The following BCL2L11 variants were observed in gnomAD, a reference collection of about 807,000 sequenced individuals.
BCL2L11 encodes the protein bcl-2-like protein 11.
BCL2L11 carries 15 observed loss-of-function variants against 20.6 expected under a neutral mutation model. That is an observed-to-expected ratio of 0.73 (90% CI 0.49 to 1.12). The LOEUF is 1.12. BCL2L11 is among the 50% of genes most tolerant of loss of function. BCL2L11 has a pLI of 0.00. For synonymous variants in BCL2L11, 108 were observed against 92.8 expected (o/e 1.16, Z -0.94); for missense variants, 292 against 260.9 (o/e 1.12, Z -0.82).
At chr2:111,139,661 A>G (rs2075489353) in intron 2 of BCL2L11, among the ~76,000 whole-genome samples, 1 of 152,206 alleles carries the variant, frequency 6.6e-6, no homozygotes, top group Non-Finnish European at 1.5e-5. Flanking sequence ...TTTTTCACAC[A>G]CTATGAGGTA....
chr2:111,147,003 A>G (rs1300405768), intron 2 of BCL2L11, among the ~76,000 whole-genome samples: 4 of 152,236 alleles, frequency 2.6e-5, no homozygotes, highest in Admixed American at 1.3e-4. Context: ...AAATAGTGAT[A>G]GGTGCTAGTT....
rs781163771 is a variant in BCL2L11 at position 111,153,601 on chromosome 2, AATT to A, written c.498+3457_498+3459del. 2.6e-5 allele frequency among the ~76,000 whole-genome samples: 4 copies of A among 152,322 alleles called. No individual in the cohort carries two copies. The East Asian group carries it at 7.7e-4, about 29-fold the overall frequency. On this transcript the variant is annotated intron_variant, in intron 3 of 3. Transcript: ENST00000393256. The stretch of plus-strand genomic sequence containing the variant: ...AAATTACCTGCTGTCTTCACAAGGG[AATT>A]ATCCTCTCTTGGCAAGCGAGTGTAT...
intron 2 of BCL2L11, among the ~76,000 whole-genome samples, chr2:111,146,993 A>G (rs897386410): frequency 1.3e-5 from 2 of 152,226 alleles, no homozygotes; most frequent in African/African-American, 2.4e-5. Flanking sequence ...GTTTTTAAAA[A>G]AATAGTGATA....
At chr2:111,142,226 C>T in intron 2 of BCL2L11, 2 of 1,132,806 alleles carry the variant, frequency 1.8e-6, no homozygotes, top group Admixed American at 4.0e-5. Flanking sequence ...ACTCTACCTC[C>T]TGTTCTTTTC....
In BCL2L11 at chr2:111,121,004, GCC is replaced by G. The variant is rs2070777691; in HGVS notation, c.-197_-196del. ...TGCCGCCGCCGCCGCCGCCGCCGCCGCCGCCGCCGCCGCCGCCACTACCACCA... is the reference window on the plus strand; with the variant it reads ...TGCCGCCGCCGCCGCCGCCGCCGCCGGCCGCCGCCGCCGCCACTACCACCA... On this transcript the variant is annotated 5_prime_UTR_variant, in exon 1 of 4. Coordinates refer to ENST00000393256, the MANE Select transcript of BCL2L11 (RefSeq NM_138621.5). The G allele has an allele frequency of 2.5e-6, 1 of 400,246 alleles. No homozygotes were observed. The highest frequency in any genetic ancestry group is 4.4e-6 in the Non-Finnish European group (1 of 226,838). The allele number at this position is 400,246 out of a possible 1,614,324, so 24.8% of individuals were successfully genotyped here.
chr2:111,140,115 A>G (rs2075569303), intron 2 of BCL2L11, among the ~76,000 whole-genome samples: 1 of 152,302 alleles, frequency 6.6e-6, no homozygotes, highest in South Asian at 2.1e-4. Context: ...GGATTTGGAC[A>G]TGAGTCTGGG....
intron 2 of BCL2L11, among the ~76,000 whole-genome samples, chr2:111,138,190 G>C (rs1031856854): frequency 6.6e-5 from 10 of 151,890 alleles, no homozygotes; most frequent in African/African-American, 2.4e-4. Context: ...TGTATTTTTA[G>C]TAGAGACAGG....
At chr2:111,145,296 C>T (rs753609887) in intron 2 of BCL2L11, among the ~76,000 whole-genome samples, 1 of 152,132 alleles carries the variant, frequency 6.6e-6, no homozygotes, top group Non-Finnish European at 1.5e-5. Context: ...ACCCAGTACA[C>T]ACACCTGAGT....
rs1575242676 is a variant in BCL2L11 at position 111,164,868 on chromosome 2, T to C, written c.*637T>C. The C allele has an allele frequency of 6.6e-6, 1 of 152,616 alleles. No homozygotes were observed. Among genetic ancestry groups the C allele is most frequent in the Non-Finnish European group, 1.5e-5 (1 of 68,058 alleles). The allele number at this position is 152,616 out of a possible 1,614,324, so 9.5% of individuals were successfully genotyped here. Reference sequence around the variant, plus strand: ...GCAGAGGGTCTGTTGCCAGCCTGCATTGATATACCAGTCCCATTTGTAAAT... The same window carrying C: ...GCAGAGGGTCTGTTGCCAGCCTGCACTGATATACCAGTCCCATTTGTAAAT... On this transcript the variant is annotated 3_prime_UTR_variant, in exon 4 of 4. Transcript: ENST00000393256.
In BCL2L11 at chr2:111,167,331, T is replaced by A. The variant is rs1466974132; in HGVS notation, c.*3100T>A. 2.6e-5 allele frequency: 4 copies of A among 152,220 alleles called. No individual in the cohort carries two copies. Among genetic ancestry groups the A allele is most frequent in the African/African-American group, 9.7e-5 (4 of 41,438 alleles). 9.4% of individuals were successfully genotyped at this position (152,220 alleles called of 1,614,324 possible). On this transcript the variant is annotated 3_prime_UTR_variant, in exon 4 of 4. Coordinates refer to ENST00000393256, the MANE Select transcript of BCL2L11 (RefSeq NM_138621.5). ...CCCTTATGATGAAGTGTGTGTTTGA[T>A]GCCAGTGAGAAACTCAGTCTGGCAG...
At position 111,157,251 on chromosome 2, in the gene BCL2L11, G is replaced by GT. The variant is rs113078057; in HGVS notation, c.499-6882_499-6881insT. On this transcript the variant is annotated intron_variant, in intron 3 of 3. Coordinates refer to ENST00000393256, the MANE Select transcript of BCL2L11 (RefSeq NM_138621.5). ...AGGGGACTTCAGGAGGTCTAACTGG[G>GT]GTTTTTTTTAAATCTCTTGAGGAGG... 4.1e-3 allele frequency among the ~76,000 whole-genome samples: 630 copies of GT among 152,074 alleles called. 3 individuals are homozygous for GT. The highest frequency in any genetic ancestry group is 0.014 in the African/African-American group (565 of 41,372).
intron 2 of BCL2L11, among the ~76,000 whole-genome samples, chr2:111,128,064 A>G (rs552963969): frequency 6.6e-6 from 1 of 152,170 alleles, no homozygotes; most frequent in South Asian, 2.1e-4. Flanking sequence ...TCACCTTGCA[A>G]AACAGAAATT....
intron 2 of BCL2L11, among the ~76,000 whole-genome samples, chr2:111,135,718 G>A (rs953686543): frequency 3.9e-5 from 6 of 152,152 alleles, no homozygotes; most frequent in Non-Finnish European, 5.9e-5. Flanking sequence ...GAGCCGATGG[G>A]CCCATGAACC....
At chr2:111,147,545 AAG>A (rs2076724437) in intron 2 of BCL2L11, among the ~76,000 whole-genome samples, 1 of 152,204 alleles carries the variant, frequency 6.6e-6, no homozygotes, top group African/African-American at 2.4e-5. Context: ...TTTATCTCTT[AAG>A]ATGAGTAAGT....
At chr2:111,133,070 T>G (rs554755265) in intron 2 of BCL2L11, among the ~76,000 whole-genome samples, 1 of 152,320 alleles carries the variant, frequency 6.6e-6, no homozygotes, top group South Asian at 2.1e-4. Flanking sequence ...GATTCTTAAC[T>G]GAACTTATGC....
intron 2 of BCL2L11, among the ~76,000 whole-genome samples, chr2:111,139,589 T>C (rs2075469663): frequency 6.6e-6 from 1 of 152,020 alleles, no homozygotes; most frequent in African/African-American, 2.4e-5. Context: ...TGTTGGCCAT[T>C]GATAATCAAA....
chr2:111,146,289 G>T, intron 2 of BCL2L11: 1 of 941,556 alleles, frequency 1.1e-6, no homozygotes, highest in Non-Finnish European at 1.3e-6. Context: ...TATAGACCAG[G>T]TATCAACATT....
intron 2 of BCL2L11, among the ~76,000 whole-genome samples, chr2:111,124,395 A>G (rs1390235780): frequency 2.6e-5 from 4 of 151,910 alleles, no homozygotes; most frequent in Admixed American, 2.0e-4. Context: ...GGTTCAAGCA[A>G]TTCTCCTACC....
chr2:111,155,707 TG>T (rs1352946848), intron 3 of BCL2L11, among the ~76,000 whole-genome samples: 3 of 152,166 alleles, frequency 2.0e-5, no homozygotes, highest in African/African-American at 7.2e-5. Flanking sequence ...GGGCATGTCC[TG>T]GTGGTGGGCT....
Sources: gnomAD v4.1 joint callset for allele counts (sites outside exome capture counted in the v4.1 genomes callset) on GRCh38, gnomAD v4.1.1 for gene constraint, MANE v1.5 for transcripts, NCBI Gene and HGNC (gene_info 2026-07-23, HGNC 2026-07-21) for gene names.